Variants in NHERF2 observed in about 807,000 individuals in gnomAD.
The protein encoded by NHERF2 is NHERF family PDZ scaffold protein 2.
At chr16:2,029,380 T>A in the NHERF2 span, 2 of 586,106 alleles carry the variant, frequency 3.4e-6, no homozygotes. Flanking sequence ...TGGGCCTCAG[T>A]GTCCGGAGCC....
At chr16:2,029,439 C>A in the NHERF2 span, 1 of 727,386 alleles carries the variant, frequency 1.4e-6, no homozygotes, top group Non-Finnish European at 2.3e-6. Flanking sequence ...GGGGGCGGGG[C>A]CGGCAGGCCT....
the NHERF2 span, chr16:2,026,961 TC>T: frequency 1.2e-6 from 1 of 848,324 alleles, no homozygotes; most frequent in Admixed American, 6.3e-5. Context: ...GCCCCCGAGC[TC>T]CCCCGCGCCC....
At chr16:2,037,708 C>G in the NHERF2 span, 2 of 1,553,204 alleles carry the variant, frequency 1.3e-6, no homozygotes, top group Admixed American at 3.9e-5. Context: ...TTCAGGAAGT[C>G]CTCGTGAGCC....
the NHERF2 span, chr16:2,029,684 G>T: frequency 6.4e-7 from 1 of 1,562,726 alleles, no homozygotes; most frequent in East Asian, 2.4e-5. Context: ...CTGTACCGAG[G>T]AGATGGCCCA....
At chr16:2,036,706 T>C in the NHERF2 span, 1 of 1,608,720 alleles carries the variant, frequency 6.2e-7, no homozygotes, top group South Asian at 1.1e-5. Flanking sequence ...ATGGCGGGGC[T>C]GATACATGCT....
At chr16:2,032,025 T>TC in the NHERF2 span, among the ~76,000 whole-genome samples, 1 of 107,402 alleles carries the variant, frequency 9.3e-6, no homozygotes, top group Admixed American at 8.7e-5. The surrounding 1 kb of genome is among the most constrained non-coding windows in gnomAD (Gnocchi z 4.0). Context: ...TTTCTTTCTT[T>TC]TTTTTTTTTT....
the NHERF2 span, among the ~76,000 whole-genome samples, chr16:2,029,208 G>A: frequency 6.6e-6 from 1 of 152,228 alleles, no homozygotes; most frequent in Admixed American, 6.5e-5. Context: ...CGCGCACAGG[G>A]ACAGGCAGAC....
At chr16:2,029,470 A>G in the NHERF2 span, 2 of 1,024,990 alleles carry the variant, frequency 2.0e-6, no homozygotes, top group Non-Finnish European at 2.9e-6. Flanking sequence ...CCACCCGCCC[A>G]TGCAGACCAG....
the NHERF2 span, among the ~76,000 whole-genome samples, chr16:2,034,721 C>A: frequency 0.06 from 5,034 of 84,226 alleles, 330 homozygotes; most frequent in Non-Finnish European, 0.088. Flanking sequence ...CCTCCCCTCC[C>A]GAACTGGGCT....
At chr16:2,030,396 G>C in the NHERF2 span, among the ~76,000 whole-genome samples, 1 of 152,154 alleles carries the variant, frequency 6.6e-6, no homozygotes, top group Non-Finnish European at 1.5e-5. Flanking sequence ...CCTGTCTGCT[G>C]TTCCTCCTGG....
the NHERF2 span, chr16:2,029,422 G>A: frequency 1.1e-5 from 7 of 653,298 alleles, no homozygotes; most frequent in African/African-American, 5.5e-5. Flanking sequence ...GCTGGAGTCC[G>A]GGGGTGGGGG....
At chr16:2,029,795 T>C in the NHERF2 span, 1 of 1,547,884 alleles carries the variant, frequency 6.5e-7, no homozygotes, top group Non-Finnish European at 8.7e-7. Context: ...ATGGCGGGCT[T>C]GGCCCACAGG....
chr16:2,027,261 A>G, the NHERF2 span: 1 of 1,202,318 alleles, frequency 8.3e-7, no homozygotes, highest in East Asian at 3.3e-5. Flanking sequence ...CCCCTCCCCG[A>G]GCGCGTCCCC....
chr16:2,036,266 T>G, the NHERF2 span: 5 of 1,492,508 alleles, frequency 3.4e-6, no homozygotes, highest in East Asian at 2.4e-5. Flanking sequence ...CACCGGGGAG[T>G]GGCCTCTGGA....
At chr16:2,037,906 G>A in the NHERF2 span, 1 of 1,611,518 alleles carries the variant, frequency 6.2e-7, no homozygotes, top group African/African-American at 1.3e-5. Flanking sequence ...CCAAGGAGAA[G>A]GCTCGAGCCA....
chr16:2,033,943 T>C, the NHERF2 span, among the ~76,000 whole-genome samples: 1 of 152,072 alleles, frequency 6.6e-6, no homozygotes, highest in African/African-American at 2.4e-5. Context: ...GGGGTTTAGG[T>C]TTGATAGGCA....
the NHERF2 span, among the ~76,000 whole-genome samples, chr16:2,030,694 T>G: frequency 6.7e-6 from 1 of 149,156 alleles, no homozygotes; most frequent in East Asian, 2.0e-4. Context: ...ATCCCAACAC[T>G]TCGGGAGGCT....
At chr16:2,034,000 G>C in the NHERF2 span, among the ~76,000 whole-genome samples, 1 of 152,182 alleles carries the variant, frequency 6.6e-6, no homozygotes, top group Non-Finnish European at 1.5e-5. Flanking sequence ...CTGGACAGAG[G>C]CAGAGGGGTG....
the NHERF2 span, among the ~76,000 whole-genome samples, chr16:2,027,399 G>A: frequency 2.7e-5 from 4 of 148,128 alleles, no homozygotes; most frequent in African/African-American, 5.0e-5. Flanking sequence ...GCACGGGGGT[G>A]GGGGGGGGCA....
Sources: allele counts gnomAD v4.1 joint callset (sites outside exome capture counted in the v4.1 genomes callset), GRCh38; gene constraint gnomAD v4.1.1; non-coding constraint Gnocchi (gnomAD v3.1); transcripts MANE v1.5; gene names NCBI Gene and HGNC (gene_info 2026-07-23, HGNC 2026-07-21).